Variants in SCP2 observed in about 807,000 individuals in gnomAD.
SCP2 encodes the protein sterol carrier protein 2.
Under a neutral mutation model 71.4 loss-of-function variants are expected in SCP2, and 48 were observed. The observed-to-expected ratio is 0.67, with a 90% confidence interval of 0.53 to 0.86. The LOEUF (loss-of-function observed/expected upper bound fraction) is 0.86, where lower values mean the gene tolerates loss of function less well. Among genes scored for constraint, SCP2 ranks in the 40% least tolerant of loss-of-function variants. The probability of loss-of-function intolerance (pLI) is 0.00; values close to 1 mark genes in which losing one functional copy is unlikely to be tolerated. For synonymous variants in SCP2, 220 were observed against 218.1 expected, an observed-to-expected ratio of 1.01 and a Z score of -0.08; for missense variants, 560 against 655.6, an observed-to-expected ratio of 0.85 and a Z score of 1.59.
chr1:52,930,213 C>A (rs1229322734), intron 1 of SCP2, among the ~76,000 whole-genome samples: 1 of 152,024 alleles, frequency 6.6e-6, no homozygotes. Context: ...CATCTTACAT[C>A]ACAATCCAGT....
chr1:52,996,418 G>A (rs1639563056), intron 11 of SCP2, among the ~76,000 whole-genome samples: 1 of 152,226 alleles, frequency 6.6e-6, no homozygotes, highest in African/African-American at 2.4e-5. Context: ...ATGGTAGAAG[G>A]TGGCAGGTAG....
At chr1:52,937,029 T>TAA (rs1653806275) in intron 1 of SCP2, among the ~76,000 whole-genome samples, 1 of 152,124 alleles carries the variant, frequency 6.6e-6, no homozygotes, top group Non-Finnish European at 1.5e-5. Context: ...ATGTACTTAA[T>TAA]AAAGCAAACA....
At chr1:53,034,376 C>CATTT (rs139809108) in intron 13 of SCP2, among the ~76,000 whole-genome samples, 5,522 of 152,084 alleles carry the variant, frequency 0.036, 268 homozygotes, top group African/African-American at 0.11. Context: ...TATATGATTT[C>CATTT]ATTTATATGA....
chr1:52,934,819 C>G (rs1334070939), intron 1 of SCP2: 1 of 148,726 alleles, frequency 6.7e-6, no homozygotes, highest in Non-Finnish European at 1.5e-5. Flanking sequence ...CGCCCGCCAA[C>G]ACGCCCGGCT....
At chr1:52,946,096 T>A (rs1654764014) in intron 2 of SCP2, among the ~76,000 whole-genome samples, 1 of 151,076 alleles carries the variant, frequency 6.6e-6, no homozygotes, top group South Asian at 2.1e-4. Context: ...GCCCCCCTAA[T>A]TTTTGTATTT....
At chr1:52,977,562 T>A (rs1466663967) in intron 8 of SCP2, among the ~76,000 whole-genome samples, 1 of 152,260 alleles carries the variant, frequency 6.6e-6, no homozygotes, top group Non-Finnish European at 1.5e-5. Flanking sequence ...TGGGGCGGTC[T>A]GTAGTAGAAT....
intron 11 of SCP2, among the ~76,000 whole-genome samples, chr1:53,002,733 C>T (rs965727903): frequency 1.8e-4 from 28 of 152,232 alleles, no homozygotes; most frequent in African/African-American, 6.0e-4. Context: ...TTATTCTATC[C>T]TGTGATTTTT....
chr1:52,945,263 A>G (rs1221865417), intron 2 of SCP2, among the ~76,000 whole-genome samples: 1 of 152,142 alleles, frequency 6.6e-6, no homozygotes, highest in African/African-American at 2.4e-5. Flanking sequence ...TCACAGGTCC[A>G]GTCATAGTAC....
At chr1:52,986,757 A>G (rs1243913696) in intron 10 of SCP2, among the ~76,000 whole-genome samples, 1 of 152,006 alleles carries the variant, frequency 6.6e-6, no homozygotes, top group Non-Finnish European at 1.5e-5. Context: ...GTCATCACTC[A>G]GTATCTGTGG....
intron 4 of SCP2, among the ~76,000 whole-genome samples, chr1:52,951,420 GT>G (rs1350089377): frequency 1.5e-3 from 228 of 151,712 alleles, no homozygotes; most frequent in Middle Eastern, 3.4e-3. Flanking sequence ...GGGCAACGTA[GT>G]TAGAACCTGT....
chr1:52,994,774 G>T, intron 11 of SCP2: 1 of 588,492 alleles, frequency 1.7e-6, no homozygotes, highest in South Asian at 1.7e-5. Context: ...CAACCGGATG[G>T]GTGCCAAGTG....
chr1:53,030,542 G>T (rs548304482), intron 13 of SCP2, among the ~76,000 whole-genome samples: 1 of 152,038 alleles, frequency 6.6e-6, no homozygotes, highest in South Asian at 2.1e-4. Flanking sequence ...GTCTTGCTAT[G>T]TTGGAGACTA....
chr1:52,961,060 T>C (rs898108104), intron 5 of SCP2, among the ~76,000 whole-genome samples: 4 of 147,136 alleles, frequency 2.7e-5, no homozygotes, highest in African/African-American at 7.8e-5. Flanking sequence ...CCTATTTCCT[T>C]TGGTTCTTTT....
intron 11 of SCP2, among the ~76,000 whole-genome samples, chr1:53,003,393 C>G (rs1660440615): frequency 6.6e-6 from 1 of 151,980 alleles, no homozygotes; most frequent in Non-Finnish European, 1.5e-5. Flanking sequence ...TAATTTTTTA[C>G]ATTTTTGGTA....
intron 4 of SCP2, among the ~76,000 whole-genome samples, chr1:52,953,991 A>G (rs1398533755): frequency 6.6e-6 from 1 of 151,372 alleles, no homozygotes; most frequent in Non-Finnish European, 1.5e-5. Context: ...CAAAAAAAAA[A>G]ACAAAAAAAA....
chr1:52,980,237 G>T (rs963579925), intron 9 of SCP2, among the ~76,000 whole-genome samples, 159 bp from the exon 10 acceptor site: 4 of 152,178 alleles, frequency 2.6e-5, no homozygotes, highest in Admixed American at 6.5e-5. Context: ...GCTTCCCAAA[G>T]TGCTTGGATT....
At chr1:52,946,373 T>G (rs923487081) in intron 2 of SCP2, among the ~76,000 whole-genome samples, 2 of 151,822 alleles carry the variant, frequency 1.3e-5, no homozygotes, top group Non-Finnish European at 2.9e-5. Context: ...GGACCACAGG[T>G]GTATGCTACC....
intron 12 of SCP2, among the ~76,000 whole-genome samples, chr1:53,017,759 T>C (rs10399937): frequency 0.32 from 48,131 of 152,204 alleles, 12,731 homozygotes; most frequent in African/African-American, 0.72. Context: ...TATGCATGCC[T>C]ATAAATAAAG....
chr1:53,004,055 C>T (rs1199759687), intron 11 of SCP2, among the ~76,000 whole-genome samples: 3 of 152,120 alleles, frequency 2.0e-5, no homozygotes, highest in Admixed American at 1.3e-4. Context: ...TCACAGTACC[C>T]ATCACAGTCA....
Sources: allele counts gnomAD v4.1 joint callset (sites outside exome capture counted in the v4.1 genomes callset), GRCh38; gene constraint gnomAD v4.1.1; transcripts MANE v1.5; gene names NCBI Gene and HGNC (gene_info 2026-07-23, HGNC 2026-07-21).